CSMD1: variants seen among roughly 807,000 people sequenced by gnomAD.
CSMD1 encodes the protein CUB and sushi domain-containing protein 1.
A neutral mutation model predicts 417.5 loss-of-function variants in CSMD1; 213 were observed. The ratio of observed to expected loss-of-function variants is 0.51; its 90% CI spans 0.46 to 0.57. CSMD1 has a LOEUF of 0.57. Among genes scored for constraint, CSMD1 ranks in the 20% least tolerant of loss-of-function variants. The pLI, the probability that CSMD1 is intolerant of heterozygous loss-of-function variation, is 0.00. For missense variants in CSMD1, 6,923 were observed against 4,529.7 expected, an observed-to-expected ratio of 1.53 and a Z score of -15.17; for synonymous variants, 2,862 against 1,736.8, an observed-to-expected ratio of 1.65 and a Z score of -16.11.
At chr8:4,334,523 A>G (rs139512363) in intron 3 of CSMD1, among the ~76,000 whole-genome samples, 37 of 152,264 alleles carry the variant, frequency 2.4e-4, no homozygotes, top group Middle Eastern at 6.8e-3. Context: ...TGCATGAGCT[A>G]ATTCCTTAAA....
intron 1 of CSMD1, among the ~76,000 whole-genome samples, chr8:4,705,539 A>G (rs114344684): frequency 0.012 from 1,853 of 152,286 alleles, 40 homozygotes; most frequent in African/African-American, 0.041. Flanking sequence ...CTTTACCCCT[A>G]GATTCTACTA....
intron 3 of CSMD1, among the ~76,000 whole-genome samples, chr8:4,385,304 A>G (rs748921690): frequency 2.6e-5 from 4 of 152,212 alleles, no homozygotes; most frequent in Non-Finnish European, 5.9e-5. Context: ...CATGTTAAAC[A>G]ATGATGTAGT....
chr8:4,156,278 A>C (rs935211315), intron 3 of CSMD1, among the ~76,000 whole-genome samples: 1 of 152,088 alleles, frequency 6.6e-6, no homozygotes, highest in East Asian at 1.9e-4. Context: ...TAAAGAGTTG[A>C]TGGGGTTGAA....
At chr8:3,253,968 C>G (rs1024403864) in intron 26 of CSMD1, among the ~76,000 whole-genome samples, 2 of 151,896 alleles carry the variant, frequency 1.3e-5, no homozygotes, top group African/African-American at 4.8e-5. Flanking sequence ...TCTTCCTAGC[C>G]TTGATGGTCT....
At position 3,668,498 on chromosome 8, in the gene CSMD1, G is replaced by C. The variant is rs183159507; in HGVS notation, c.1009+39916C>G. Among the ~76,000 whole-genome samples the C allele has an allele frequency of 1.6e-4, 25 of 152,330 alleles. No individual in the cohort carries two copies. The East Asian group carries it at 4.4e-3, about 27-fold the overall frequency. Reference sequence around the variant, plus strand: ...TGGGGGATATTACAAGGAGAACGGAGAGAGTTTGTCTGACTGGGCATTGTA... The same window carrying C: ...TGGGGGATATTACAAGGAGAACGGACAGAGTTTGTCTGACTGGGCATTGTA... On this transcript the variant is annotated intron_variant, in intron 7 of 69. Coordinates refer to ENST00000635120, the MANE Select transcript of CSMD1 (RefSeq NM_033225.6).
intron 2 of CSMD1, among the ~76,000 whole-genome samples, chr8:4,517,612 C>A (rs1803195688): frequency 6.6e-6 from 1 of 151,940 alleles, no homozygotes. Flanking sequence ...ATTTAACATG[C>A]ACGAGCCTTT....
chr8:4,421,204 AG>A (rs1365764074), intron 2 of CSMD1, among the ~76,000 whole-genome samples: 1 of 152,210 alleles, frequency 6.6e-6, no homozygotes, highest in South Asian at 2.1e-4. Context: ...AACGCAATAC[AG>A]AAGACAAGTC....
chr8:4,991,562 A>C (rs1467317353), intron 1 of CSMD1, among the ~76,000 whole-genome samples: 1 of 152,162 alleles, frequency 6.6e-6, no homozygotes. Flanking sequence ...CGCGCGGCGC[A>C]GCTGCCCACG....
intron 3 of CSMD1, among the ~76,000 whole-genome samples, chr8:4,210,219 C>G (rs73496564): frequency 0.03 from 4,495 of 152,300 alleles, 215 homozygotes; most frequent in African/African-American, 0.1. Flanking sequence ...AGCCAGCATG[C>G]TGGGCATGAC....
rs999193914 is a variant in CSMD1, at chr8:4,033,347, C to T, written c.416-1248G>A. Among the ~76,000 whole-genome samples, 25 of 152,176 alleles carry T rather than the reference C, an allele frequency of 1.6e-4. No individual in the cohort carries two copies. The South Asian group carries it at 1.9e-3, about 11-fold the overall frequency. The stretch of plus-strand genomic sequence containing the variant: ...GTCCCAGCTACTTGGGAGGCTGAGG[C>T]AGGAGAATGGCGTGAACCCGGGAGG... On this transcript the variant is annotated intron_variant, in intron 3 of 69. Coordinates refer to ENST00000635120, the MANE Select transcript of CSMD1 (RefSeq NM_033225.6).
Position 3,648,509 on chromosome 8 carries a change from C to T in CSMD1, c.1010-31712G>A, listed in dbSNP as rs369401800. On this transcript the variant is annotated intron_variant, in intron 7 of 69. Coordinates refer to ENST00000635120, the MANE Select transcript of CSMD1 (RefSeq NM_033225.6). ...GTGGAGTGACTGCTGAGATTTTGGA[C>T]CTGTTGAAAAGTTGTTGTACGATTT... 3.3e-5 allele frequency among the ~76,000 whole-genome samples: 5 copies of T among 152,098 alleles called. No homozygotes were observed. The East Asian group carries it at 7.7e-4, about 23-fold the overall frequency.
At chr8:4,440,872 C>T (rs893542002) in intron 2 of CSMD1, among the ~76,000 whole-genome samples, 1 of 151,420 alleles carries the variant, frequency 6.6e-6, no homozygotes. Flanking sequence ...GGGTGAATGC[C>T]TATAGTCCCA....
intron 54 of CSMD1, among the ~76,000 whole-genome samples, chr8:2,982,059 C>T (rs1252329538): frequency 6.6e-6 from 1 of 151,968 alleles, no homozygotes; most frequent in African/African-American, 2.4e-5. Context: ...AGTTGACATA[C>T]GAATATGGGT....
chr8:3,442,073 T>TA (rs919532932), intron 12 of CSMD1, among the ~76,000 whole-genome samples: 50 of 140,586 alleles, frequency 3.6e-4, no homozygotes, highest in South Asian at 6.6e-4. Context: ...TTTTAAAAAG[T>TA]AAAAAAAAAA....
At chr8:4,472,225 T>A (rs1800575542) in intron 2 of CSMD1, among the ~76,000 whole-genome samples, 1 of 152,178 alleles carries the variant, frequency 6.6e-6, no homozygotes, top group Admixed American at 6.5e-5. Context: ...AAAATTATTT[T>A]AAAATCGAAT....
chr8:4,732,320 G>C (rs555191193), intron 1 of CSMD1, among the ~76,000 whole-genome samples: 4 of 149,260 alleles, frequency 2.7e-5, no homozygotes, highest in East Asian at 4.0e-4. Flanking sequence ...CACCTGAAGA[G>C]TTAATAGATT....
chr8:3,018,517 C>A lies in CSMD1; in HGVS notation c.7989G>T (p.Leu2663Phe), dbSNP rs544558465. The change falls in exon 52 of 70, where the codon TTG becomes TTT. Residue 2663 changes from leucine to phenylalanine, a missense_variant. Leu to Phe is a conservative substitution (Grantham distance 22). Coordinates refer to ENST00000635120, the MANE Select transcript of CSMD1 (RefSeq NM_033225.6). ...CGCTGCCGCTCCAGAGCCCATTTGC[C>A]AAGCACTCTCTGACATGAGACCCCA... ...TLVGSHVREC[L>F]ANGLWSGSET... 6.2e-7 allele frequency: 1 copy of A among 1,613,656 alleles called. No individual in the cohort carries two copies. Among genetic ancestry groups the A allele is most frequent in the Admixed American group, 1.7e-5 (1 of 59,990 alleles).
intron 3 of CSMD1, among the ~76,000 whole-genome samples, chr8:4,149,099 G>A (rs1376455429): frequency 6.6e-6 from 1 of 151,996 alleles, no homozygotes; most frequent in African/African-American, 2.4e-5. Flanking sequence ...AAGTAGCTGG[G>A]ATTACAGGCG....
intron 1 of CSMD1, among the ~76,000 whole-genome samples, chr8:4,800,211 G>C (rs748909719): frequency 3.3e-5 from 5 of 152,100 alleles, no homozygotes; most frequent in Non-Finnish European, 7.4e-5. Context: ...AGCCAAGGCG[G>C]ATGGATCACC....
Sources: gnomAD v4.1 joint callset for allele counts (sites outside exome capture counted in the v4.1 genomes callset) on GRCh38, gnomAD v4.1.1 for gene constraint, MANE v1.5 for transcripts, NCBI Gene and HGNC (gene_info 2026-07-23, HGNC 2026-07-21) for gene names.